The following NISCH variants were observed in gnomAD, a reference collection of about 807,000 sequenced individuals.
NISCH encodes the protein nischarin.
A neutral mutation model predicts 138.4 loss-of-function variants in NISCH; 55 were observed. The ratio of observed to expected loss-of-function variants is 0.40; its 90% CI spans 0.32 to 0.50. NISCH has a LOEUF of 0.50. Ranked by LOEUF, NISCH falls within the 20% of genes least tolerant of loss-of-function variation. The probability of loss-of-function intolerance (pLI) is 0.71; values close to 1 mark genes in which losing one functional copy is unlikely to be tolerated. For missense variants in NISCH, 1,643 were observed against 2,005.5 expected, an observed-to-expected ratio of 0.82 and a Z score of 3.45; for synonymous variants, 860 against 861.5, an observed-to-expected ratio of 1.00 and a Z score of 0.03.
chr3:52,455,630 G>T lies in NISCH; in HGVS notation c.-12G>T. The T allele has an allele frequency of 2.3e-6, 3 of 1,323,370 alleles. No individual in the cohort carries two copies. The highest frequency in any genetic ancestry group is 2.9e-6 in the Non-Finnish European group (3 of 1,029,106). The allele number at this position is 1,323,370 out of a possible 1,614,324, so 82.0% of individuals were successfully genotyped here. On this transcript the variant is annotated 5_prime_UTR_variant, in exon 1 of 21. Coordinates refer to ENST00000345716, the MANE Select transcript of NISCH (RefSeq NM_007184.4). Reference sequence around the variant, plus strand: ...GTCTGCGCCGGGCGGCGGTGGCGGCGGAGACCCGAACATGGCGACCGCGCG... The same window carrying T: ...GTCTGCGCCGGGCGGCGGTGGCGGCTGAGACCCGAACATGGCGACCGCGCG...
At chr3:52,470,038 C>T (rs1320827694) in intron 3 of NISCH, among the ~76,000 whole-genome samples, 2 of 148,726 alleles carry the variant, frequency 1.3e-5, no homozygotes, top group East Asian at 3.9e-4. Flanking sequence ...GAGCTATGGT[C>T]ATACCATTGC....
rs751294998 is a variant in NISCH, at chr3:52,492,073, G to A, written c.4106G>A (p.Arg1369His). 1.4e-5 allele frequency: 23 copies of A among 1,612,898 alleles called. No individual in the cohort carries two copies. The highest frequency in any genetic ancestry group is 1.6e-4 in the Middle Eastern group (1 of 6,082). The part of the protein sequence containing the change: ...PPPGCCRGPL[R>H]PKTLLLTSSE... ...CCTGGGTGCTGCAGGGGCCCCCTGC[G>A]CCCCAAGACACTCCTGCTCACCAGC... Residue 1369 changes from arginine (R) to histidine (H), a missense_variant, in exon 21 of 21, where the codon CGC becomes CAC. Physicochemically the swap from Arg to His is conservative, Grantham distance 29. Transcript: ENST00000345716.
intron 20 of NISCH, 170 bp downstream of exon 20, chr3:52,491,683 G>A (rs1029793672): frequency 5.7e-6 from 6 of 1,048,888 alleles, no homozygotes; most frequent in Middle Eastern, 2.6e-4. Flanking sequence ...CACTCCAGCA[G>A]TCCCTCAACC....
intron 6 of NISCH, among the ~76,000 whole-genome samples, chr3:52,473,361 G>C (rs561157153): frequency 6.6e-6 from 1 of 152,176 alleles, no homozygotes; most frequent in African/African-American, 2.4e-5. Context: ...TCCATGGAGT[G>C]GGGGCTGGGT....
intron 11 of NISCH, among the ~76,000 whole-genome samples, chr3:52,479,405 A>C (rs1707202071): frequency 6.6e-6 from 1 of 151,906 alleles, no homozygotes; most frequent in South Asian, 2.1e-4. Context: ...GGCTTAGTTC[A>C]AGTTGCCCCC....
intron 7 of NISCH, chr3:52,476,043 C>T (rs1707088858): frequency 4.4e-6 from 1 of 229,786 alleles, no homozygotes. Flanking sequence ...GAGGCTAAGA[C>T]AGAAGGATGG....
intron 8 of NISCH, 81 bp downstream of exon 8, chr3:52,476,680 G>T: frequency 4.9e-6 from 7 of 1,437,576 alleles, no homozygotes; most frequent in Non-Finnish European, 6.8e-6. Flanking sequence ...AGCTTTTTTA[G>T]GAAGGACCAC....
At chr3:52,481,522 C>T (rs926257093) in intron 13 of NISCH, 2 of 985,378 alleles carry the variant, frequency 2.0e-6, no homozygotes, top group East Asian at 2.3e-4. Context: ...GACGCTGCCT[C>T]CTGTAGCGCA....
chr3:52,463,970 G>A (rs945880652), intron 3 of NISCH, among the ~76,000 whole-genome samples: 4 of 150,892 alleles, frequency 2.7e-5, no homozygotes, highest in African/African-American at 7.3e-5. Context: ...CAAGTGATTC[G>A]CCCACCTTGG....
rs1008413999 is a variant in NISCH at position 52,477,657 on chromosome 3, G to C, written c.987+15G>C. ...ACAATCTGCAGGTAGTGCCTTTGGA[G>C]ACCAGTGCTGCCCGCACACACTCCC... On this transcript the variant is annotated intron_variant, in intron 9 of 20. Coordinates refer to ENST00000345716, the MANE Select transcript of NISCH (RefSeq NM_007184.4). 1 of 1,606,676 alleles carries C rather than the reference G, an allele frequency of 6.2e-7. No individual in the cohort carries two copies. The highest frequency in any genetic ancestry group is 1.3e-5 in the African/African-American group (1 of 74,824).
At chr3:52,470,058 T>C (rs1042013243) in intron 3 of NISCH, among the ~76,000 whole-genome samples, 1 of 149,098 alleles carries the variant, frequency 6.7e-6, no homozygotes, top group Non-Finnish European at 1.5e-5. Context: ...CACTCCAGCC[T>C]GAGTGACAGA....
chr3:52,480,239 C>T lies in NISCH; in HGVS notation c.1472C>T (p.Pro491Leu). The T allele has an allele frequency of 6.2e-7, 1 of 1,614,014 alleles. No homozygotes were observed. The highest frequency in any genetic ancestry group is 1.3e-5 in the African/African-American group (1 of 75,056). Residue 491 changes from proline (P) to leucine (L), a missense_variant, in exon 13 of 21, where the codon CCT becomes CTT. Pro to Leu is a moderately conservative substitution (Grantham distance 98). Coordinates refer to ENST00000345716, the MANE Select transcript of NISCH (RefSeq NM_007184.4). ...CCCTGCATCAGACCCAGCAGCTCCCCTCCCACTGTGGCTCCCGCATCTGCC... is the reference window on the plus strand; with the variant it reads ...CCCTGCATCAGACCCAGCAGCTCCCTTCCCACTGTGGCTCCCGCATCTGCC... ...AAPCIRPSSS[P>L]PTVAPASASL...
At position 52,480,223 on chromosome 3, in the gene NISCH, A is replaced by C. The variant is rs756262664; in HGVS notation, c.1456A>C (p.Arg486=). 6.2e-7 allele frequency: 1 copy of C among 1,613,906 alleles called. No homozygotes were observed. Among genetic ancestry groups the C allele is most frequent in the Non-Finnish European group, 8.5e-7 (1 of 1,179,992 alleles). The change falls in exon 13 of 21, where the codon AGA becomes CGA. Residue 486 remains arginine, a synonymous_variant. Coordinates refer to ENST00000345716, the MANE Select transcript of NISCH (RefSeq NM_007184.4). ...DSRLSAAPCI[R]PSSSPPTVAP... is the part of the protein sequence containing the mutation. ...CCGGCTCTCAGCTGCCCCCTGCATC[A>C]GACCCAGCAGCTCCCCTCCCACTGT...
At chr3:52,484,325 G>T (rs1306331904) in intron 13 of NISCH, 188 bp from the exon 14 acceptor site, 5 of 567,838 alleles carry the variant, frequency 8.8e-6, no homozygotes, top group Admixed American at 3.1e-5. Context: ...GCAGTCATTT[G>T]TTCTTTCTTG....
At chr3:52,468,116 G>A (rs376954472) in intron 3 of NISCH, among the ~76,000 whole-genome samples, 31 of 152,224 alleles carry the variant, frequency 2.0e-4, no homozygotes, top group East Asian at 9.7e-4. Context: ...AAAATTAGCC[G>A]GGTGTGGTGG....
intron 6 of NISCH, among the ~76,000 whole-genome samples, chr3:52,473,122 G>T (rs966696535): frequency 6.6e-6 from 1 of 152,226 alleles, no homozygotes; most frequent in Non-Finnish European, 1.5e-5. Flanking sequence ...AGCTGAGACT[G>T]CCTCCAGAGC....
At chr3:52,484,462 T>TTGGCCCCCCCCCC in intron 13 of NISCH, 51 bp from the exon 14 acceptor site, 26 of 788,668 alleles carry the variant, frequency 3.3e-5, no homozygotes, top group Non-Finnish European at 4.4e-5. Flanking sequence ...ACAGCCGCTC[T>TTGGCCCCCCCCCC]CCCCGCCCCA....
rs1707099372 is a variant in NISCH, at chr3:52,476,447, G to A, written c.766G>A (p.Glu256Lys). The A allele has an allele frequency of 1.2e-6, 2 of 1,613,954 alleles. No individual in the cohort carries two copies. The highest frequency in any genetic ancestry group is 1.7e-5 in the Admixed American group (1 of 60,006). ...SVRFSATSMK[E>K]VLVPEASEFD... ...GCTCCACACAGATGTTTTTATGCAG[G>A]AAGTCCTTGTTCCTGAAGCCTCAGA... The change falls in exon 8 of 21, where the codon GAA becomes AAA. Residue 256 changes from glutamate (E) to lysine (K), a missense_variant and splice_region_variant. Transcript: ENST00000345716.
chr3:52,491,455 G>C lies in NISCH; in HGVS notation c.3846G>C (p.Thr1282=), dbSNP rs769257262. The change falls in exon 20 of 21, where the codon ACG becomes ACC. Residue 1282 remains threonine, a synonymous_variant. Coordinates refer to ENST00000345716, the MANE Select transcript of NISCH (RefSeq NM_007184.4). ...LMVVLSSLER[T]PSPEPVDKDF... is the part of the protein sequence containing the mutation. ...TCGTGCTGTCCTCTCTGGAACGCAC[G>C]CCCTCGCCGGAGCCTGTTGACAAGG... 4 of 1,613,430 alleles carry C rather than the reference G, an allele frequency of 2.5e-6. No homozygotes were observed. The highest frequency in any genetic ancestry group is 3.4e-6 in the Non-Finnish European group (4 of 1,179,974).
Sources: gnomAD v4.1 joint callset for allele counts (sites outside exome capture counted in the v4.1 genomes callset) on GRCh38, gnomAD v4.1.1 for gene constraint, MANE v1.5 for transcripts, NCBI Gene and HGNC (gene_info 2026-07-23, HGNC 2026-07-21) for gene names.